The following CNTLN variants were observed in gnomAD, a reference collection of about 807,000 sequenced individuals.
CNTLN encodes the protein centlein, also known as centlein, centrosomal protein.
A neutral mutation model predicts 180.0 loss-of-function variants in CNTLN; 212 were observed. The ratio of observed to expected loss-of-function variants is 1.18; its 90% confidence interval spans 1.05 to 1.32. The LOEUF is 1.32. Among genes scored for constraint, CNTLN ranks in the 40% most tolerant of loss-of-function variants. The pLI, the probability that CNTLN is intolerant of heterozygous loss-of-function variation, is 0.00. For missense variants in CNTLN, 2,095 were observed against 1,610.9 expected, an observed-to-expected ratio of 1.30 and a Z score of -5.14; for synonymous variants, 722 against 563.1, an observed-to-expected ratio of 1.28 and a Z score of -3.99.
At chr9:17,264,232 G>T (rs889090740) in intron 5 of CNTLN, among the ~76,000 whole-genome samples, 5 of 147,812 alleles carry the variant, frequency 3.4e-5, no homozygotes, top group Non-Finnish European at 7.4e-5. Context: ...AAGGTGTAAG[G>T]AAGGGATCCA....
At chr9:17,392,438 T>C (rs780684773) in intron 14 of CNTLN, among the ~76,000 whole-genome samples, 9 of 152,226 alleles carry the variant, frequency 5.9e-5, no homozygotes, top group Non-Finnish European at 1.3e-4. Context: ...GGTAGAGTGA[T>C]TTGGAAAAAG....
intron 2 of CNTLN, among the ~76,000 whole-genome samples, chr9:17,215,677 C>T (rs1211048647): frequency 6.6e-6 from 1 of 152,162 alleles, no homozygotes; most frequent in African/African-American, 2.4e-5. Flanking sequence ...TGGCAGGCCT[C>T]CTTGAACTGC....
At chr9:17,164,457 G>GTTTTTTTTTTTT (rs772109564) in intron 2 of CNTLN, among the ~76,000 whole-genome samples, 1 of 68,458 alleles carries the variant, frequency 1.5e-5, no homozygotes, top group African/African-American at 6.1e-5. Context: ...TTATTTTTAT[G>GTTTTTTTTTTTT]TTTTTTTTTT....
intron 2 of CNTLN, among the ~76,000 whole-genome samples, chr9:17,147,774 A>G (rs924378846): frequency 1.2e-4 from 18 of 152,258 alleles, no homozygotes; most frequent in African/African-American, 4.3e-4. Flanking sequence ...GCATATTTGT[A>G]TTTAACCACT....
chr9:17,439,349 G>C (rs994614014), intron 18 of CNTLN, among the ~76,000 whole-genome samples: 2 of 152,108 alleles, frequency 1.3e-5, no homozygotes, highest in Non-Finnish European at 2.9e-5. Context: ...CAAAGGATTT[G>C]TATCATATAA....
chr9:17,174,791 G>T (rs1015937460), intron 2 of CNTLN, among the ~76,000 whole-genome samples: 38 of 151,790 alleles, frequency 2.5e-4, no homozygotes, highest in African/African-American at 9.2e-4. Flanking sequence ...AGAGTGATTT[G>T]GTTTATCTGC....
At position 17,213,094 on chromosome 9, in the gene CNTLN, C is replaced by G. The variant is rs375693068; in HGVS notation, c.450-13109C>G. Among the ~76,000 whole-genome samples, 6 of 152,268 alleles carry G rather than the reference C, an allele frequency of 3.9e-5. No homozygotes were observed. In the East Asian group the frequency reaches 9.7e-4, roughly 25 times the overall value. On this transcript the variant is annotated intron_variant, in intron 2 of 25. Transcript: ENST00000380647. The stretch of plus-strand genomic sequence containing the variant: ...GATCTTACTTATTTCTCGCCTTCTG[C>G]TAGCTTTTGAATGTGTTTGCTCTTG...
chr9:17,377,570 C>T (rs1393290451), intron 13 of CNTLN, among the ~76,000 whole-genome samples: 2 of 151,566 alleles, frequency 1.3e-5, no homozygotes, highest in South Asian at 4.2e-4. Flanking sequence ...GTCAAAAAAA[C>T]AAAAAACAAA....
At chr9:17,306,437 A>G (rs1210221137) in intron 7 of CNTLN, among the ~76,000 whole-genome samples, 2 of 152,138 alleles carry the variant, frequency 1.3e-5, no homozygotes, top group Non-Finnish European at 2.9e-5. Flanking sequence ...ATGTGAGCCA[A>G]CGTGCCTGAC....
chr9:17,332,701 G>A lies in CNTLN; in HGVS notation c.1615G>A (p.Glu539Lys), dbSNP rs2133128056. 1 of 1,604,568 alleles carries A rather than the reference G, an allele frequency of 6.2e-7. No individual in the cohort carries two copies. The highest frequency in any genetic ancestry group is 2.2e-5 in the East Asian group (1 of 44,586). Residue 539 changes from glutamate to lysine, a missense_variant, in exon 10 of 26, where the codon GAA becomes AAA. Physicochemically the swap from Glu to Lys is moderately conservative, Grantham distance 56. Transcript: ENST00000380647. ...QKLRKAERKI[E>K]NLEKALQLKS... ...GCTGAGAAAAGCTGAAAGAAAGATT[G>A]AAAACTTAGAGAAGGCACTACAACT...
intron 2 of CNTLN, among the ~76,000 whole-genome samples, chr9:17,216,871 G>T (rs1823792695): frequency 6.6e-6 from 1 of 152,202 alleles, no homozygotes; most frequent in Admixed American, 6.5e-5. Flanking sequence ...CCCCAGAACT[G>T]TAGCTGCCAG....
chr9:17,171,214 T>A (rs1201998073), intron 2 of CNTLN, among the ~76,000 whole-genome samples: 1 of 152,222 alleles, frequency 6.6e-6, no homozygotes, highest in Admixed American at 6.5e-5. Flanking sequence ...TGTTTTTTGG[T>A]GGCATCTTGT....
intron 8 of CNTLN, among the ~76,000 whole-genome samples, chr9:17,311,461 T>TTC (rs1226779463): frequency 9.2e-5 from 14 of 151,646 alleles, no homozygotes; most frequent in Middle Eastern, 3.4e-3. Context: ...GTTTTTTTTT[T>TTC]TTTTTTAAGG....
chr9:17,517,638 A>G, the CNTLN span, among the ~76,000 whole-genome samples: 7 of 152,078 alleles, frequency 4.6e-5, no homozygotes, highest in African/African-American at 1.4e-4. Flanking sequence ...AGGAAGGCCA[A>G]GGACTGCCAG....
chr9:17,511,958 A>G, the CNTLN span, among the ~76,000 whole-genome samples: 2 of 152,200 alleles, frequency 1.3e-5, no homozygotes, highest in African/African-American at 4.8e-5. Flanking sequence ...GTACCACCAT[A>G]GGATATACAT....
At position 17,473,726 on chromosome 9, in the gene CNTLN, A is replaced by G. The variant is rs534890687; in HGVS notation, c.3855+6835A>G. ...ATACCTATTCTCTACCCACTTTCTTATCTTCCATTCTGTTTTGAACCTTCT... is the reference window on the plus strand; with the variant it reads ...ATACCTATTCTCTACCCACTTTCTTGTCTTCCATTCTGTTTTGAACCTTCT... On this transcript the variant is annotated intron_variant, in intron 23 of 25. Coordinates refer to ENST00000380647, the MANE Select transcript of CNTLN (RefSeq NM_017738.4). Among the ~76,000 whole-genome samples the G allele has an allele frequency of 1.1e-4, 17 of 152,106 alleles. No homozygotes were observed. The South Asian group carries it at 3.3e-3, about 30-fold the overall frequency.
At chr9:17,356,482 A>T (rs1006561771) in intron 12 of CNTLN, among the ~76,000 whole-genome samples, 1 of 152,170 alleles carries the variant, frequency 6.6e-6, no homozygotes, top group Non-Finnish European at 1.5e-5. Flanking sequence ...ATGCAACATG[A>T]CTTATAGATA....
At chr9:17,214,653 C>T (rs993707588) in intron 2 of CNTLN, among the ~76,000 whole-genome samples, 3 of 152,202 alleles carry the variant, frequency 2.0e-5, no homozygotes, top group African/African-American at 7.2e-5. Context: ...AGAGTGTTTT[C>T]CATCTTGGTT....
intron 2 of CNTLN, among the ~76,000 whole-genome samples, chr9:17,153,718 A>G (rs1040830463): frequency 6.6e-6 from 1 of 152,212 alleles, no homozygotes; most frequent in Admixed American, 6.5e-5. Context: ...TAGGTTGGAG[A>G]AGTTCTCCTG....
Sources: gnomAD v4.1 joint callset for allele counts (sites outside exome capture counted in the v4.1 genomes callset) on GRCh38, gnomAD v4.1.1 for gene constraint, MANE v1.5 for transcripts, NCBI Gene and HGNC (gene_info 2026-07-23, HGNC 2026-07-21) for gene names.